Variants in PTAR1 observed in about 807,000 individuals in gnomAD.
PTAR1 encodes the protein protein prenyltransferase alpha subunit repeat-containing protein 1.
PTAR1 carries 17 observed loss-of-function variants against 45.5 expected under a neutral mutation model. The observed-to-expected ratio is 0.37, with a 90% confidence interval of 0.26 to 0.56. The LOEUF (loss-of-function observed/expected upper bound fraction) is 0.56, where lower values mean the gene tolerates loss of function less well. Among genes scored for constraint, PTAR1 ranks in the 20% least tolerant of loss-of-function variants. PTAR1 has a pLI of 0.77. For synonymous variants in PTAR1, 169 were observed against 171.3 expected (o/e 0.99, Z 0.11); for missense variants, 391 against 476.3 (o/e 0.82, Z 1.67).
At position 69,759,911 on chromosome 9, in the gene PTAR1, C is replaced by T. The variant is rs1160180644; in HGVS notation, c.28G>A (p.Val10Met). The T allele has an allele frequency of 6.6e-7, 1 of 1,524,318 alleles. No individual in the cohort carries two copies. The highest frequency in any genetic ancestry group is 1.2e-5 in the South Asian group (1 of 81,492). 94.4% of individuals were successfully genotyped at this position (1,524,318 alleles called of 1,614,324 possible). Residue 10 changes from valine (V) to methionine (M), a missense_variant, in exon 1 of 8, where the codon GTG becomes ATG. Coordinates refer to ENST00000340434, the MANE Select transcript of PTAR1 (RefSeq NM_001099666.2). MAETSEEVAVLVQRVVKDIT... is the reference protein window; with the variant it reads MAETSEEVAMLVQRVVKDIT... ...TCCTTCACAACCCGCTGCACCAGCACCGCCACCTCCTCGCTGGTCTCGGCC... is the reference window on the plus strand; with the variant it reads ...TCCTTCACAACCCGCTGCACCAGCATCGCCACCTCCTCGCTGGTCTCGGCC...
intron 2 of PTAR1, among the ~76,000 whole-genome samples, chr9:69,744,423 T>C (rs1418548780): frequency 6.6e-6 from 1 of 151,534 alleles, no homozygotes; most frequent in Non-Finnish European, 1.5e-5. Context: ...GCTCACTTTG[T>C]AGTACAAGTT....
At chr9:69,744,689 T>C (rs1826197616) in intron 2 of PTAR1, among the ~76,000 whole-genome samples, 1 of 152,138 alleles carries the variant, frequency 6.6e-6, no homozygotes, top group Non-Finnish European at 1.5e-5. Flanking sequence ...CCTGGCCTCA[T>C]CTGTTTTATG....
Position 69,715,661 on chromosome 9 carries a change from A to T in PTAR1, c.*2681T>A. On this transcript the variant is annotated 3_prime_UTR_variant, in exon 8 of 8. Transcript: ENST00000340434. ...TAGATTGTTATAGAAAAATAAGTGAAGACTAAAAGTCCCAGAAAACAGACA... is the reference window on the plus strand; with the variant it reads ...TAGATTGTTATAGAAAAATAAGTGATGACTAAAAGTCCCAGAAAACAGACA... 1 of 152,170 alleles carries T rather than the reference A, an allele frequency of 6.6e-6. No homozygotes were observed. Among genetic ancestry groups the T allele is most frequent in the East Asian group, 1.9e-4 (1 of 5,192 alleles). 9.4% of individuals were successfully genotyped at this position (152,170 alleles called of 1,614,324 possible).
At chr9:69,731,848 T>A (rs1825553305) in intron 5 of PTAR1, 1 of 405,344 alleles carries the variant, frequency 2.5e-6, no homozygotes, top group Admixed American at 4.1e-5. Flanking sequence ...GGCTTAATAA[T>A]CCCTTCCTGT....
chr9:69,713,206 G>A lies in PTAR1; in HGVS notation c.*5136C>T, dbSNP rs1824593935. 6.6e-6 allele frequency: 1 copy of A among 152,082 alleles called. No individual in the cohort carries two copies. The highest frequency in any genetic ancestry group is 1.5e-5 in the Non-Finnish European group (1 of 68,012). The allele number at this position is 152,082 out of a possible 1,614,324, so 9.4% of individuals were successfully genotyped here. A position where few individuals can be genotyped will look rare whatever the true frequency, so the allele number is the denominator to read the frequency against. ...AAACTACTGCCCTGTATTGTTCTTA[G>A]CAAAGAGTTTGGTTTTACAGTGTTA... On this transcript the variant is annotated 3_prime_UTR_variant, in exon 8 of 8. Transcript: ENST00000340434.
chr9:69,742,767 T>A (rs569916593), intron 2 of PTAR1, among the ~76,000 whole-genome samples: 64 of 152,256 alleles, frequency 4.2e-4, no homozygotes, highest in South Asian at 2.1e-3. Context: ...AGATAAAAAA[T>A]TACAATTCAT....
chr9:69,711,563 A>G lies in PTAR1; in HGVS notation c.*6779T>C, dbSNP rs1387761965. The G allele has an allele frequency of 6.6e-6, 1 of 152,176 alleles. No homozygotes were observed. The highest frequency in any genetic ancestry group is 1.9e-4 in the East Asian group (1 of 5,184). 9.4% of individuals were successfully genotyped at this position (152,176 alleles called of 1,614,324 possible). On this transcript the variant is annotated 3_prime_UTR_variant, in exon 8 of 8. Coordinates refer to ENST00000340434, the MANE Select transcript of PTAR1 (RefSeq NM_001099666.2). ...TCTTAAGACGCTAGAAACAAGTAAG[A>G]TTTAAGGAAAAATAAAAAGAACCTA...
chr9:69,757,764 AAAAAG>A (rs1335690003), intron 1 of PTAR1: 2 of 152,138 alleles, frequency 1.3e-5, no homozygotes, highest in African/African-American at 2.4e-5. Context: ...TTAAAAAAAA[AAAAAG>A]AAACACAGCC....
At chr9:69,755,983 TC>T (rs1483949886) in intron 1 of PTAR1, among the ~76,000 whole-genome samples, 1 of 152,192 alleles carries the variant, frequency 6.6e-6, no homozygotes, top group Non-Finnish European at 1.5e-5. Flanking sequence ...CTTGTCTAAG[TC>T]TACTCAGTTA....
At chr9:69,758,658 A>G (rs1259355046) in intron 1 of PTAR1, 6 of 392,508 alleles carry the variant, frequency 1.5e-5, no homozygotes, top group Non-Finnish European at 2.7e-5. Flanking sequence ...GTGTGCCACA[A>G]GGGAGCAAAA....
chr9:69,736,286 C>T (rs1057346916), intron 3 of PTAR1, among the ~76,000 whole-genome samples: 2 of 152,110 alleles, frequency 1.3e-5, no homozygotes, highest in Non-Finnish European at 1.5e-5. Flanking sequence ...TGGCTGGGCA[C>T]GGTAGCTCAC....
rs1259016318 is a variant in PTAR1, at chr9:69,715,365, G to T, written c.*2977C>A. ...ACAAACAATCTTTCTCTTCCTGTTA[G>T]TCATTCATTAATTTAATAAATATTT... On this transcript the variant is annotated 3_prime_UTR_variant, in exon 8 of 8. Coordinates refer to ENST00000340434, the MANE Select transcript of PTAR1 (RefSeq NM_001099666.2). 1 of 151,920 alleles carries T rather than the reference G, an allele frequency of 6.6e-6. No homozygotes were observed. The highest frequency in any genetic ancestry group is 1.5e-5 in the Non-Finnish European group (1 of 67,970). 9.4% of individuals were successfully genotyped at this position (151,920 alleles called of 1,614,324 possible). A position where few individuals can be genotyped will look rare whatever the true frequency, so the allele number is the denominator to read the frequency against.
In PTAR1 at chr9:69,717,118, A is replaced by T. The variant is rs2134067527; in HGVS notation, c.*1224T>A. 6.6e-6 allele frequency: 1 copy of T among 152,292 alleles called. No individual in the cohort carries two copies. The highest frequency in any genetic ancestry group is 2.1e-4 in the South Asian group (1 of 4,828). The allele number at this position is 152,292 out of a possible 1,614,324, so 9.4% of individuals were successfully genotyped here. A position where few individuals can be genotyped will look rare whatever the true frequency, so the allele number is the denominator to read the frequency against. ...TACTTTGGTACCTCATCCCTGATTAAGTTCAGTATCAAAGTGTTTTGTTTT... is the reference window on the plus strand; with the variant it reads ...TACTTTGGTACCTCATCCCTGATTATGTTCAGTATCAAAGTGTTTTGTTTT... On this transcript the variant is annotated 3_prime_UTR_variant, in exon 8 of 8. Transcript: ENST00000340434.
intron 1 of PTAR1, among the ~76,000 whole-genome samples, chr9:69,755,796 A>G (rs2134176565): frequency 6.6e-6 from 1 of 152,294 alleles, no homozygotes; most frequent in Middle Eastern, 3.4e-3. Flanking sequence ...CATTAATTCC[A>G]AAGATTATCA....
chr9:69,727,832 C>T (rs969062163), intron 5 of PTAR1, among the ~76,000 whole-genome samples: 2 of 152,040 alleles, frequency 1.3e-5, no homozygotes, highest in African/African-American at 4.8e-5. Context: ...CTCTAATGTA[C>T]TTTAGAATCA....
chr9:69,737,091 T>TA (rs1447763074), intron 3 of PTAR1, among the ~76,000 whole-genome samples: 13 of 134,122 alleles, frequency 9.7e-5, no homozygotes, highest in East Asian at 4.5e-4. Context: ...TGCTATATAT[T>TA]TTTTTTTAGA....
intron 1 of PTAR1, 52 bp from the exon 2 acceptor site, chr9:69,751,002 C>A (rs1178636226): frequency 5.6e-6 from 7 of 1,246,822 alleles, no homozygotes; most frequent in Non-Finnish European, 6.6e-6. Flanking sequence ...CTAACCTTTT[C>A]AACATTTTTC....
chr9:69,720,240 C>T (rs1254673538), intron 6 of PTAR1, among the ~76,000 whole-genome samples: 2 of 152,160 alleles, frequency 1.3e-5, no homozygotes, highest in Admixed American at 1.3e-4. Context: ...AAGTGGTAAC[C>T]CAGTGAACAC....
Position 69,718,688 on chromosome 9 carries a change from C to T in PTAR1, c.948-4G>A, listed in dbSNP as rs767954931. ...CTGAAGGTAGAAAATATGCCGCCTG[C>T]GATAGAGAGGGGAAGGAAGAGAATA... On this transcript the variant is annotated splice_region_variant and splice_polypyrimidine_tract_variant and intron_variant, in intron 6 of 7. Transcript: ENST00000340434. 4 of 1,545,326 alleles carry T rather than the reference C, an allele frequency of 2.6e-6. No homozygotes were observed. The highest frequency in any genetic ancestry group is 1.4e-5 in the African/African-American group (1 of 72,424).
Sources: gnomAD v4.1 joint callset for allele counts (sites outside exome capture counted in the v4.1 genomes callset) on GRCh38, gnomAD v4.1.1 for gene constraint, MANE v1.5 for transcripts, NCBI Gene and HGNC (gene_info 2026-07-23, HGNC 2026-07-21) for gene names.